DCX: variants seen among roughly 807,000 people sequenced by gnomAD.
DCX encodes the protein doublecortin.
DCX carries 4 observed loss-of-function variants against 20.9 expected under a neutral mutation model. The ratio of observed to expected loss-of-function variants is 0.19; its 90% confidence interval spans 0.09 to 0.44. The LOEUF (loss-of-function observed/expected upper bound fraction) is 0.44, where lower values mean the gene tolerates loss of function less well. Ranked by LOEUF, DCX falls within the 20% of genes least tolerant of loss-of-function variation. The pLI, the probability that DCX is intolerant of heterozygous loss-of-function variation, is 0.99. For synonymous variants in DCX, 103 were observed against 111.4 expected, an observed-to-expected ratio of 0.92 and a Z score of 0.47; for missense variants, 133 against 296.9, an observed-to-expected ratio of 0.45 and a Z score of 4.06.
chrX:111,384,576 G>A (rs1409588028), intron 3 of DCX, among the ~76,000 whole-genome samples: 3 of 111,656 alleles, frequency 2.7e-5, no homozygotes, highest in Non-Finnish European at 5.6e-5. Context: ...CAAAGTGCTA[G>A]TACAATACTC....
At chrX:111,343,960 C>T (rs1050512624) in intron 3 of DCX, among the ~76,000 whole-genome samples, 18 of 110,330 alleles carry the variant, frequency 1.6e-4, no homozygotes, top group South Asian at 7.9e-4. Context: ...GCAACCTGGG[C>T]GACAGAACGA....
chrX:111,370,821 A>G (rs1925020909), intron 3 of DCX, among the ~76,000 whole-genome samples: 1 of 111,352 alleles, frequency 9.0e-6, no homozygotes, highest in African/African-American at 3.3e-5. Flanking sequence ...CAGGCTAATT[A>G]TTTCTGAAAT....
chrX:111,387,881 T>G (rs961450339), intron 3 of DCX, among the ~76,000 whole-genome samples: 1 of 111,384 alleles, frequency 9.0e-6, no homozygotes, highest in Non-Finnish European at 1.9e-5. Context: ...GTCTTCCAAA[T>G]TATTGCCAGC....
chrX:111,308,507 C>T (rs780567727), intron 6 of DCX, among the ~76,000 whole-genome samples: 2 of 110,894 alleles, frequency 1.8e-5, no homozygotes, highest in South Asian at 3.9e-4. Flanking sequence ...CCACTCTCTC[C>T]CGTCTTTCCC....
chrX:111,319,498 C>T (rs2095081597), intron 5 of DCX, among the ~76,000 whole-genome samples: 1 of 112,160 alleles, frequency 8.9e-6, no homozygotes, highest in Non-Finnish European at 1.9e-5. Flanking sequence ...AGAATGTGGG[C>T]ACTAGACTTT....
Position 111,400,211 on chromosome X carries a change from T to C in DCX, c.705+779A>G, listed in dbSNP as rs748351381. Among the ~76,000 whole-genome samples, 8 of 111,866 alleles carry C rather than the reference T, an allele frequency of 7.2e-5. No homozygotes were observed. In the East Asian group the frequency reaches 2.3e-3, roughly 32 times the overall value. The stretch of plus-strand genomic sequence containing the variant: ...ATTCCCTTGGAACATTTTTGTTGTA[T>C]ATTTACAGCTCCCTATGCTTAAGAG... On this transcript the variant is annotated intron_variant, in intron 3 of 6. Coordinates refer to ENST00000636035, the MANE Select transcript of DCX (RefSeq NM_001195553.2).
Position 111,294,612 on chromosome X carries a change from T to C in DCX, c.*7075A>G, listed in dbSNP as rs1259825354. On this transcript the variant is annotated 3_prime_UTR_variant, in exon 7 of 7. Transcript: ENST00000636035. ...TCCCCACATTTTGGTTTGTTTGTTG[T>C]TTGCTGACTTTACTTGGCAAGAGTT... The C allele has an allele frequency of 8.9e-6, 1 of 112,255 alleles. No homozygotes were observed. The highest frequency in any genetic ancestry group is 1.9e-5 in the Non-Finnish European group (1 of 53,291). 9.3% of individuals were successfully genotyped at this position (112,255 alleles called of 1,213,427 possible).
At chrX:111,316,088 A>AATAAATAAATTAATTAATT (rs1330121517) in intron 5 of DCX, among the ~76,000 whole-genome samples, 1 of 59,625 alleles carries the variant, frequency 1.7e-5, no homozygotes, top group African/African-American at 7.7e-5. Context: ...ATAAAAAATA[A>AATAAATAAATTAATTAATT]AAAAAAAAAA....
At chrX:111,325,377 C>T (rs770040288) in intron 5 of DCX, among the ~76,000 whole-genome samples, 20 of 111,029 alleles carry the variant, frequency 1.8e-4, no homozygotes, top group South Asian at 1.2e-3. Context: ...GTCAGGAGAG[C>T]GATGTTCTGG....
At chrX:111,308,343 T>C (rs1282775184) in intron 6 of DCX, among the ~76,000 whole-genome samples, 1 of 112,024 alleles carries the variant, frequency 8.9e-6, no homozygotes, top group Non-Finnish European at 1.9e-5. Flanking sequence ...TTGAGAAACC[T>C]GGCTTCTAGT....
intron 3 of DCX, among the ~76,000 whole-genome samples, chrX:111,398,942 G>A (rs895745370): frequency 4.5e-5 from 5 of 110,483 alleles, no homozygotes; most frequent in Non-Finnish European, 9.5e-5. Flanking sequence ...GTGAAAACCC[G>A]TTTCTACTAA....
intron 2 of DCX, among the ~76,000 whole-genome samples, chrX:111,403,918 T>C (rs914502547): frequency 1.1e-4 from 12 of 110,088 alleles, no homozygotes; most frequent in African/African-American, 4.0e-4. Flanking sequence ...TGGTGGCACA[T>C]GCCTATAATC....
chrX:111,345,960 G>C (rs1240488986), intron 3 of DCX, among the ~76,000 whole-genome samples: 1 of 110,390 alleles, frequency 9.1e-6, no homozygotes, highest in Non-Finnish European at 1.9e-5. Flanking sequence ...ATAGCAACTC[G>C]TTGTGGTTTT....
intron 3 of DCX, among the ~76,000 whole-genome samples, chrX:111,334,535 AC>A (rs1283471546): frequency 8.9e-6 from 1 of 112,131 alleles, no homozygotes; most frequent in Admixed American, 9.5e-5. Flanking sequence ...ATCTCATTTT[AC>A]CCTCACAAGA....
At chrX:111,333,287 C>T in intron 3 of DCX, 134 bp from the exon 4 acceptor site, 1 of 517,270 alleles carries the variant, frequency 1.9e-6, no homozygotes, top group South Asian at 2.6e-5. Flanking sequence ...TTTCTTAAAA[C>T]ACCTACCACA....
At chrX:111,393,848 A>G (rs1927129279) in intron 3 of DCX, among the ~76,000 whole-genome samples, 1 of 111,549 alleles carries the variant, frequency 9.0e-6, no homozygotes, top group African/African-American at 3.3e-5. Context: ...AAAAGATAAC[A>G]AGTGTTGGTG....
intron 2 of DCX, among the ~76,000 whole-genome samples, chrX:111,404,216 A>G (rs1325156034): frequency 9.0e-6 from 1 of 110,918 alleles, no homozygotes; most frequent in Non-Finnish European, 1.9e-5. Flanking sequence ...AGAGGAAAAA[A>G]TTGCTGAGAG....
intron 3 of DCX, among the ~76,000 whole-genome samples, chrX:111,340,792 C>T (rs1241969871): frequency 9.0e-6 from 1 of 111,205 alleles, no homozygotes; most frequent in African/African-American, 3.3e-5. Flanking sequence ...GAAGAGGGAC[C>T]TGACCATTGA....
At position 111,294,649 on chromosome X, in the gene DCX, A is replaced by G. The variant is rs1038878066; in HGVS notation, c.*7038T>C. ...ACTTGGCAAGAGTTATTGGGCCTCA[A>G]ATCAGATATTTACAACTGTAAGACA... is the stretch of plus-strand genomic sequence containing the variant. On this transcript the variant is annotated 3_prime_UTR_variant, in exon 7 of 7. Transcript: ENST00000636035. The G allele has an allele frequency of 8.9e-6, 1 of 112,067 alleles. No individual in the cohort carries two copies. The highest frequency in any genetic ancestry group is 1.9e-5 in the Non-Finnish European group (1 of 53,214). The allele number at this position is 112,067 out of a possible 1,213,427, so 9.2% of individuals were successfully genotyped here. A position where few individuals can be genotyped will look rare whatever the true frequency, so the allele number is the denominator to read the frequency against.
Sources: gnomAD v4.1 joint callset for allele counts (sites outside exome capture counted in the v4.1 genomes callset) on GRCh38, gnomAD v4.1.1 for gene constraint, MANE v1.5 for transcripts, NCBI Gene and HGNC (gene_info 2026-07-23, HGNC 2026-07-21) for gene names.